The following CLCN6 variants were observed in gnomAD, a reference collection of about 807,000 sequenced individuals.
The protein encoded by CLCN6 is H(+)/Cl(-) exchange transporter 6.
A neutral mutation model predicts 109.8 loss-of-function variants in CLCN6; 70 were observed. That is an observed-to-expected ratio of 0.64 (90% confidence interval 0.53 to 0.78). The LOEUF (loss-of-function observed/expected upper bound fraction) is 0.78. CLCN6 is among the 30% of genes least tolerant of loss of function. The pLI, the probability that CLCN6 is intolerant of heterozygous loss-of-function variation, is 0.00. For missense variants in CLCN6, 984 were observed against 1,142.3 expected, an observed-to-expected ratio of 0.86 and a Z score of 2.00; for synonymous variants, 444 against 447.8, an observed-to-expected ratio of 0.99 and a Z score of 0.11.
intron 10 of CLCN6, 96 bp downstream of exon 10, chr1:11,827,317 G>C: frequency 8.4e-7 from 1 of 1,183,718 alleles, no homozygotes; most frequent in Non-Finnish European, 1.1e-6. Context: ...TGATGAGACT[G>C]GGGGGTCAAC....
intron 13 of CLCN6, among the ~76,000 whole-genome samples, chr1:11,831,101 A>G (rs190072445): frequency 5.9e-5 from 9 of 152,048 alleles, no homozygotes; most frequent in Non-Finnish European, 1.2e-4. Flanking sequence ...CCAAATTGCT[A>G]GGATTACAGG....
At chr1:11,823,976 T>G in intron 7 of CLCN6, 143 bp downstream of exon 7, 1 of 983,620 alleles carries the variant, frequency 1.0e-6, no homozygotes, top group Non-Finnish European at 1.5e-6. Context: ...TGGGCTGTTT[T>G]TAAATGCAGA....
chr1:11,830,914 A>T (rs935449083), intron 13 of CLCN6, among the ~76,000 whole-genome samples: 1 of 151,812 alleles, frequency 6.6e-6, no homozygotes, highest in Non-Finnish European at 1.5e-5. Flanking sequence ...GCCCACTGCA[A>T]CTTCCGCCTC....
At chr1:11,825,012 C>A (rs1380256072) in intron 8 of CLCN6, among the ~76,000 whole-genome samples, 2 of 152,184 alleles carry the variant, frequency 1.3e-5, no homozygotes, top group Non-Finnish European at 2.9e-5. Flanking sequence ...TAACTGCTTT[C>A]TCCTTATAGC....
intron 2 of CLCN6, among the ~76,000 whole-genome samples, chr1:11,809,923 CTT>C (rs1484592904): frequency 6.6e-6 from 1 of 152,048 alleles, no homozygotes; most frequent in African/African-American, 2.4e-5. Context: ...AATAAATCAA[CTT>C]GACACAAAAA....
At chr1:11,811,229 T>A (rs1446879842) in intron 2 of CLCN6, among the ~76,000 whole-genome samples, 2 of 151,764 alleles carry the variant, frequency 1.3e-5, no homozygotes. Context: ...GGGATTCTGG[T>A]GTTCTAGCGT....
chr1:11,807,535 A>G (rs1644533810), intron 2 of CLCN6, among the ~76,000 whole-genome samples: 1 of 152,176 alleles, frequency 6.6e-6, no homozygotes, highest in South Asian at 2.1e-4. Context: ...GTGCTTATAA[A>G]CTGTTAAGGA....
At position 11,822,763 on chromosome 1, in the gene CLCN6, AC is replaced by A; in HGVS notation, c.417del (p.Phe140LeufsTer27). The A allele has an allele frequency of 6.2e-7, 1 of 1,613,892 alleles. No homozygotes were observed. The highest frequency in any genetic ancestry group is 8.5e-7 in the Non-Finnish European group (1 of 1,179,894). ...SLLELLGFNL[T>X]FVFLASLLVL... ...CCTTGAACTCCTGGGTTTTAACCTC[AC>A]CTTTGTCTTCCTGGCAAGCCTCCTT... On this transcript the variant is annotated frameshift_variant, in exon 6 of 23. Coordinates refer to ENST00000346436, the MANE Select transcript of CLCN6 (RefSeq NM_001286.5). LOFTEE classifies it high-confidence loss of function.
intron 20 of CLCN6, among the ~76,000 whole-genome samples, chr1:11,837,911 T>C (rs1644971098): frequency 6.6e-6 from 1 of 152,164 alleles, no homozygotes; most frequent in African/African-American, 2.4e-5. Context: ...CCCGCCCTAA[T>C]CCAGCATGGG....
In CLCN6 at chr1:11,827,094, A is replaced by G. The variant is rs773027731; in HGVS notation, c.713A>G (p.Lys238Arg). ...CGTCTCTCTCCTCTCCTCAGAGACA[A>G]GAGAGACTTTGTATCAGCAGGAGCG... ...NFPYFRSDRD[K>R]RDFVSAGAAA... Residue 238 changes from lysine to arginine, a missense_variant, in exon 10 of 23, where the codon AAG becomes AGG. Transcript: ENST00000346436. 12 of 1,613,684 alleles carry G rather than the reference A, an allele frequency of 7.4e-6. No homozygotes were observed. The highest frequency in any genetic ancestry group is 1.0e-5 in the Non-Finnish European group (12 of 1,179,862).
intron 2 of CLCN6, among the ~76,000 whole-genome samples, chr1:11,808,945 A>G (rs1644561057): frequency 6.6e-6 from 1 of 151,352 alleles, no homozygotes; most frequent in South Asian, 2.1e-4. Flanking sequence ...TGCAACCTCC[A>G]CCCCACCCTA....
intron 8 of CLCN6, 26 bp from the exon 9 acceptor site, chr1:11,826,130 A>T: frequency 6.3e-7 from 1 of 1,580,280 alleles, no homozygotes; most frequent in Non-Finnish European, 8.7e-7. Context: ...TAGGCTCTTT[A>T]GTGGCTCTCT....
intron 12 of CLCN6, 40 bp from the exon 13 acceptor site, chr1:11,829,156 T>G (rs41275482): frequency 0.048 from 76,929 of 1,601,530 alleles, 2,080 homozygotes; most frequent in Middle Eastern, 0.1. Flanking sequence ...GACCAGAGCT[T>G]CTTTCTGTGG....
rs374804204 is a variant in CLCN6, at chr1:11,836,165, G to A, written c.1980+12G>A. 40 of 1,608,786 alleles carry A rather than the reference G, an allele frequency of 2.5e-5. No individual in the cohort carries two copies. The African/African-American group carries it at 4.3e-4, about 17-fold the overall frequency. On this transcript the variant is annotated intron_variant, in intron 18 of 22. Coordinates refer to ENST00000346436, the MANE Select transcript of CLCN6 (RefSeq NM_001286.5). ...ACATCAAGTTCAAGGTAAAGAAAAC[G>A]GCATGAGAGGAAAGGCAGGTGAGAG... is the stretch of plus-strand genomic sequence containing the variant.
Position 11,834,328 on chromosome 1 carries a change from T to G in CLCN6, c.1619T>G (p.Leu540Arg). 6.2e-7 allele frequency: 1 copy of G among 1,614,146 alleles called. No individual in the cohort carries two copies. Among genetic ancestry groups the G allele is most frequent in the Non-Finnish European group, 8.5e-7 (1 of 1,180,024 alleles). ...GGGGTGGTCCGCATGACCATCAGCC[T>G]CACGGTCATCCTGATCGAGTCCACC... ...LGGVVRMTISLTVILIESTNE... is the reference protein window; with the variant it reads ...LGGVVRMTISRTVILIESTNE... Residue 540 changes from leucine (L) to arginine (R), a missense_variant, in exon 16 of 23, where the codon CTC becomes CGC. Coordinates refer to ENST00000346436, the MANE Select transcript of CLCN6 (RefSeq NM_001286.5). The surrounding 1 kb of genome is among the most constrained non-coding windows in gnomAD (Gnocchi z 4.5).
chr1:11,822,726 C>T lies in CLCN6; in HGVS notation c.378C>T (p.Leu126=), dbSNP rs746454411. 2.0e-5 allele frequency: 33 copies of T among 1,613,886 alleles called. No homozygotes were observed. The highest frequency in any genetic ancestry group is 1.7e-4 in the Middle Eastern group (1 of 6,044). ...SVEECSQKGC[L]ALSLLELLGF... The stretch of plus-strand genomic sequence containing the variant: ...AGGAGTGCAGCCAGAAAGGCTGCCT[C>T]GCTCTGTCTCTCCTTGAACTCCTGG... Residue 126 remains leucine (L), a synonymous_variant, in exon 6 of 23, where the codon CTC becomes CTT. Coordinates refer to ENST00000346436, the MANE Select transcript of CLCN6 (RefSeq NM_001286.5).
chr1:11,826,286 C>T, intron 9 of CLCN6, 72 bp downstream of exon 9: 2 of 1,246,942 alleles, frequency 1.6e-6, no homozygotes, highest in Non-Finnish European at 1.2e-6. Context: ...AGACTCGACA[C>T]TTGCTCTAGC....
chr1:11,820,348 A>G (rs1644725340), intron 5 of CLCN6: 2 of 715,482 alleles, frequency 2.8e-6, no homozygotes, highest in Non-Finnish European at 5.2e-6. Context: ...TTCCTATTTC[A>G]TACTATAAAT....
intron 7 of CLCN6, among the ~76,000 whole-genome samples, chr1:11,824,108 A>G (rs1644781496): frequency 6.6e-6 from 1 of 152,254 alleles, no homozygotes. Context: ...CAACAGCCAG[A>G]TAGTAAATAT....
Sources: gnomAD v4.1 joint callset for allele counts (sites outside exome capture counted in the v4.1 genomes callset) on GRCh38, gnomAD v4.1.1 for gene constraint, Gnocchi (gnomAD v3.1) non-coding constraint, MANE v1.5 for transcripts, NCBI Gene and HGNC (gene_info 2026-07-23, HGNC 2026-07-21) for gene names.